KCNQ1OT1: variants seen among roughly 807,000 people sequenced by gnomAD.
The protein encoded by KCNQ1OT1 is KCNQ1 antisense RNA 2 (non-protein coding).
exon 1 of KCNQ1OT1, chr11:2,634,328 C>G (rs1433232008): frequency 3.9e-6 from 1 of 255,122 alleles, no homozygotes; most frequent in Non-Finnish European, 7.2e-6. Flanking sequence ...CCTCCCCCCT[C>G]CCCCCCCACC....
At chr11:2,615,521 T>C (rs1849046288) in exon 1 of KCNQ1OT1, 1 of 397,906 alleles carries the variant, frequency 2.5e-6, no homozygotes, top group Non-Finnish European at 4.4e-6. Context: ...TCTCATTAAG[T>C]ATATTAGTTG....
exon 1 of KCNQ1OT1, chr11:2,665,018 G>A: frequency 2.5e-6 from 1 of 398,680 alleles, no homozygotes; most frequent in Non-Finnish European, 4.4e-6. Context: ...GTTAGCCAGA[G>A]GTGGGGTGGG....
At chr11:2,622,262 G>A (rs767731813) in exon 1 of KCNQ1OT1, 26 of 398,146 alleles carry the variant, frequency 6.5e-5, no homozygotes, top group South Asian at 1.3e-4. Context: ...TTCCAATTGC[G>A]AAGTCTTGAG....
At position 2,678,440 on chromosome 11, in the gene KCNQ1OT1, T is replaced by C. The variant is rs1225724473; in HGVS notation, n.21555A>G. 4 of 398,512 alleles carry C rather than the reference T, an allele frequency of 1.0e-5. No individual in the cohort carries two copies. Among genetic ancestry groups the C allele is most frequent in the African/African-American group, 8.2e-5 (4 of 48,648 alleles). The allele number at this position is 398,512 out of a possible 1,614,324, so 24.7% of individuals were successfully genotyped here. On this transcript the variant is annotated non_coding_transcript_exon_variant, in exon 1 of 1. Coordinates refer to ENST00000597346, the Ensembl canonical transcript of KCNQ1OT1. The surrounding 1 kb of genome is among the most constrained non-coding windows in gnomAD (Gnocchi z 4.9). Reference sequence around the variant, plus strand: ...ATTTATTTGAGTACATCATCATCTCTCTACTAATTTCAACTGCTACCTTTA... The same window carrying C: ...ATTTATTTGAGTACATCATCATCTCCCTACTAATTTCAACTGCTACCTTTA...
chr11:2,651,912 G>C lies in KCNQ1OT1; in HGVS notation n.48083C>G, dbSNP rs1031246786. The C allele has an allele frequency of 2.5e-6, 1 of 398,636 alleles. No individual in the cohort carries two copies. Among genetic ancestry groups the C allele is most frequent in the Non-Finnish European group, 4.4e-6 (1 of 226,188 alleles). 24.7% of individuals were successfully genotyped at this position (398,636 alleles called of 1,614,324 possible). On this transcript the variant is annotated non_coding_transcript_exon_variant, in exon 1 of 1. Coordinates refer to ENST00000597346, the Ensembl canonical transcript of KCNQ1OT1. The surrounding 1 kb of genome is among the most constrained non-coding windows in gnomAD (Gnocchi z 6.1). Reference sequence around the variant, plus strand: ...CATAGCCGAGGGTCCCTCTGGGGCCGCTTGCTCTCCTCCTACTCACAGCCC... The same window carrying C: ...CATAGCCGAGGGTCCCTCTGGGGCCCCTTGCTCTCCTCCTACTCACAGCCC...
At chr11:2,649,905 T>A (rs1047127507) in exon 1 of KCNQ1OT1, 1 of 398,374 alleles carries the variant, frequency 2.5e-6, no homozygotes, top group African/African-American at 2.1e-5. Flanking sequence ...TCCCAACACT[T>A]CTTCTGGAAC....
Position 2,624,885 on chromosome 11 carries a change from A to C in KCNQ1OT1, n.75110T>G. The C allele has an allele frequency of 2.5e-6, 1 of 398,530 alleles. No homozygotes were observed. Among genetic ancestry groups the C allele is most frequent in the East Asian group, 3.6e-5 (1 of 28,062 alleles). The allele number at this position is 398,530 out of a possible 1,614,324, so 24.7% of individuals were successfully genotyped here. On this transcript the variant is annotated non_coding_transcript_exon_variant, in exon 1 of 1. Coordinates refer to ENST00000597346, the Ensembl canonical transcript of KCNQ1OT1. This position sits in a 1 kb window ranked among gnomAD's most constrained non-coding sequence, Gnocchi z 4.9. ...TATTTCATTTAACATAATGGCCTCG[A>C]GGTTCATCCATGTTGTGGCATGTGT...
Position 2,673,018 on chromosome 11 carries a change from T to C in KCNQ1OT1, n.26977A>G. On this transcript the variant is annotated non_coding_transcript_exon_variant, in exon 1 of 1. Transcript: ENST00000597346. This position sits in a 1 kb window ranked among gnomAD's most constrained non-coding sequence, Gnocchi z 4.5. ...GAAGCCAGTGAATCAATGTGTTACTTGAACAAATATAGGGTCTAGGGCTGG... is the reference window on the plus strand; with the variant it reads ...GAAGCCAGTGAATCAATGTGTTACTCGAACAAATATAGGGTCTAGGGCTGG... 2.5e-6 allele frequency: 1 copy of C among 398,642 alleles called. No homozygotes were observed. The highest frequency in any genetic ancestry group is 3.6e-5 in the East Asian group (1 of 28,076). 24.7% of individuals were successfully genotyped at this position (398,642 alleles called of 1,614,324 possible).
rs1326812322 is a variant in KCNQ1OT1 at position 2,668,037 on chromosome 11, T to C, written n.31958A>G. The C allele has an allele frequency of 1.0e-5, 4 of 398,480 alleles. No homozygotes were observed. The highest frequency in any genetic ancestry group is 8.2e-5 in the African/African-American group (4 of 48,594). 24.7% of individuals were successfully genotyped at this position (398,480 alleles called of 1,614,324 possible). A position where few individuals can be genotyped will look rare whatever the true frequency, so the allele number is the denominator to read the frequency against. On this transcript the variant is annotated non_coding_transcript_exon_variant, in exon 1 of 1. Coordinates refer to ENST00000597346, the Ensembl canonical transcript of KCNQ1OT1. The surrounding 1 kb of genome is among the most constrained non-coding windows in gnomAD (Gnocchi z 4.3). ...TAACTGCTAGCAGCAAGGACCAGCT[T>C]TGCCCACATTTGAACTTTATGCGGT...
At chr11:2,660,088 T>C (rs1272795211) in exon 1 of KCNQ1OT1, 4 of 398,306 alleles carry the variant, frequency 1.0e-5, no homozygotes, top group African/African-American at 2.1e-5. Context: ...GAGTTAAACT[T>C]TTGGTTTCGT....
At chr11:2,665,685 A>C (rs952138681) in exon 1 of KCNQ1OT1, 7 of 398,062 alleles carry the variant, frequency 1.8e-5, no homozygotes, top group Admixed American at 4.4e-5. Context: ...GAATGGTGCC[A>C]GGAGGGAGAA....
In KCNQ1OT1 at chr11:2,645,441, G is replaced by A. The variant is rs985071151; in HGVS notation, n.54554C>T. ...CCAGTAATGCAAGAATGTACTGACT[G>A]TGGTAGGCAGGCACAGGAAGATCCC... is the stretch of plus-strand genomic sequence containing the variant. On this transcript the variant is annotated non_coding_transcript_exon_variant, in exon 1 of 1. Coordinates refer to ENST00000597346, the Ensembl canonical transcript of KCNQ1OT1. The surrounding 1 kb of genome is among the most constrained non-coding windows in gnomAD (Gnocchi z 5.8). The A allele has an allele frequency of 1.0e-5, 4 of 398,586 alleles. No homozygotes were observed. Among genetic ancestry groups the A allele is most frequent in the African/African-American group, 6.2e-5 (3 of 48,634 alleles). 24.7% of individuals were successfully genotyped at this position (398,586 alleles called of 1,614,324 possible).
At chr11:2,631,479 A>G (rs1017461231) in exon 1 of KCNQ1OT1, 5 of 394,814 alleles carry the variant, frequency 1.3e-5, no homozygotes, top group Admixed American at 4.5e-5. Flanking sequence ...TTGTGTATTA[A>G]TGATTTCATT....
Position 2,698,732 on chromosome 11 carries a change from TC to T in KCNQ1OT1, n.1262del, listed in dbSNP as rs1850719675. 2.5e-6 allele frequency: 1 copy of T among 398,564 alleles called. No individual in the cohort carries two copies. Among genetic ancestry groups the T allele is most frequent in the Non-Finnish European group, 4.4e-6 (1 of 226,110 alleles). The allele number at this position is 398,564 out of a possible 1,614,324, so 24.7% of individuals were successfully genotyped here. A position where few individuals can be genotyped will look rare whatever the true frequency, so the allele number is the denominator to read the frequency against. ...CTGACTCCAGTCGCCAACTCGGACC[TC>T]CCTTGGATCTCAACTCAGAGCCATG... On this transcript the variant is annotated non_coding_transcript_exon_variant, in exon 1 of 1. Transcript: ENST00000597346. The surrounding 1 kb of genome is among the most constrained non-coding windows in gnomAD (Gnocchi z 5.1).
chr11:2,692,009 G>C (rs933516430), exon 1 of KCNQ1OT1: 2 of 398,554 alleles, frequency 5.0e-6, no homozygotes, highest in Non-Finnish European at 8.8e-6. Flanking sequence ...AGCACCAAGG[G>C]CTTCCAGACC....
chr11:2,666,136 T>A, exon 1 of KCNQ1OT1: 1 of 398,570 alleles, frequency 2.5e-6, no homozygotes, highest in Non-Finnish European at 4.4e-6. Context: ...GTCTCTTCTG[T>A]TTTGGCATCT....
chr11:2,643,956 C>G (rs1849622383), exon 1 of KCNQ1OT1: 2 of 398,444 alleles, frequency 5.0e-6, no homozygotes, highest in African/African-American at 4.1e-5. Context: ...AAAGTTTCTG[C>G]TGAAAAATCT....
Position 2,671,982 on chromosome 11 carries a change from C to T in KCNQ1OT1, n.28013G>A, listed in dbSNP as rs1011831600. On this transcript the variant is annotated non_coding_transcript_exon_variant, in exon 1 of 1. Transcript: ENST00000597346. This position sits in a 1 kb window ranked among gnomAD's most constrained non-coding sequence, Gnocchi z 4.7. ...AGTGGGCTAAAAAGTCAGCTAGCACCCCTGACTTCAAGTCCTCGAGTGTAT... is the reference window on the plus strand; with the variant it reads ...AGTGGGCTAAAAAGTCAGCTAGCACTCCTGACTTCAAGTCCTCGAGTGTAT... 2 of 398,414 alleles carry T rather than the reference C, an allele frequency of 5.0e-6. No individual in the cohort carries two copies. 24.7% of individuals were successfully genotyped at this position (398,414 alleles called of 1,614,324 possible).
rs1277345065 is a variant in KCNQ1OT1 at position 2,674,923 on chromosome 11, T to G, written n.25072A>C. On this transcript the variant is annotated non_coding_transcript_exon_variant, in exon 1 of 1. Coordinates refer to ENST00000597346, the Ensembl canonical transcript of KCNQ1OT1. This position sits in a 1 kb window ranked among gnomAD's most constrained non-coding sequence, Gnocchi z 5.9. ...CTTTGTGTTAGCTCCAGCTGCAGAGTTTTTCCAGGCCTCGCTTCTGGGGCT... is the reference window on the plus strand; with the variant it reads ...CTTTGTGTTAGCTCCAGCTGCAGAGGTTTTCCAGGCCTCGCTTCTGGGGCT... 2.5e-6 allele frequency: 1 copy of G among 394,738 alleles called. No homozygotes were observed. The highest frequency in any genetic ancestry group is 4.4e-6 in the Non-Finnish European group (1 of 225,456). The allele number at this position is 394,738 out of a possible 1,614,324, so 24.5% of individuals were successfully genotyped here. A position where few individuals can be genotyped will look rare whatever the true frequency, so the allele number is the denominator to read the frequency against.
Sources: allele counts gnomAD v4.1 joint callset, GRCh38; gene constraint gnomAD v4.1.1; non-coding constraint Gnocchi (gnomAD v3.1); transcripts MANE v1.5; gene names NCBI Gene and HGNC (gene_info 2026-07-23, HGNC 2026-07-21).